The following ANO6 variants were observed in gnomAD, a reference collection of about 807,000 sequenced individuals.
ANO6 encodes anoctamin-6.
ANO6 carries 106 observed loss-of-function variants against 117.5 expected under a neutral mutation model. That is an observed-to-expected ratio of 0.90 (90% CI 0.77 to 1.06). The LOEUF (loss-of-function observed/expected upper bound fraction) is 1.06, where lower values mean the gene tolerates loss of function less well. ANO6 is among the 50% of genes least tolerant of loss of function. The pLI is 0.00. For missense variants in ANO6, 955 were observed against 1,121.1 expected (o/e 0.85, Z 2.12); for synonymous variants, 367 against 385.1 (o/e 0.95, Z 0.55).
At chr12:45,327,227 T>G (rs1285072309) in intron 2 of ANO6, among the ~76,000 whole-genome samples, 2 of 152,136 alleles carry the variant, frequency 1.3e-5, no homozygotes, top group East Asian at 3.9e-4. Flanking sequence ...GCTCTCTAGT[T>G]AAAAGGTGTA....
chr12:45,221,729 C>A (rs1347160687), intron 1 of ANO6, among the ~76,000 whole-genome samples: 1 of 151,936 alleles, frequency 6.6e-6, no homozygotes, highest in Non-Finnish European at 1.5e-5. Context: ...AAAGAGGCGC[C>A]ATCTGTGGGT....
intron 1 of ANO6, among the ~76,000 whole-genome samples, chr12:45,262,038 T>G (rs1384750002): frequency 6.6e-6 from 1 of 152,202 alleles, no homozygotes; most frequent in African/African-American, 2.4e-5. Flanking sequence ...TAAGGAAACC[T>G]TTCTATCCAT....
At chr12:45,422,054 G>C (rs1943378988) in intron 18 of ANO6, among the ~76,000 whole-genome samples, 1 of 152,184 alleles carries the variant, frequency 6.6e-6, no homozygotes, top group South Asian at 2.1e-4. Flanking sequence ...GTTACACCTA[G>C]TGGAGCCTCT....
chr12:45,399,035 T>C (rs994079195), intron 12 of ANO6, among the ~76,000 whole-genome samples: 6 of 152,166 alleles, frequency 3.9e-5, no homozygotes, highest in Admixed American at 6.5e-5. Context: ...GCTAGATAAC[T>C]GCAGACCAGA....
intron 1 of ANO6, among the ~76,000 whole-genome samples, chr12:45,269,450 G>A (rs934067150): frequency 1.3e-5 from 2 of 152,204 alleles, no homozygotes; most frequent in African/African-American, 4.8e-5. Flanking sequence ...CTGAGGCTTT[G>A]GTTTTGTGAT....
rs181287703 is a variant in ANO6 at position 45,397,124 on chromosome 12, C to T, written c.1387-4671C>T. 4.2e-3 allele frequency among the ~76,000 whole-genome samples: 646 copies of T among 152,242 alleles called. 4 individuals are homozygous for T. The highest frequency in any genetic ancestry group is 0.015 in the African/African-American group (623 of 41,532). On this transcript the variant is annotated intron_variant, in intron 12 of 19. Coordinates refer to ENST00000320560, the MANE Select transcript of ANO6 (RefSeq NM_001025356.3). Reference sequence around the variant, plus strand: ...ACAAAGGGCTAATATCCAGAATCTACAAGGGACTCAAACAAATTTACAAGA... The same window carrying T: ...ACAAAGGGCTAATATCCAGAATCTATAAGGGACTCAAACAAATTTACAAGA...
intron 15 of ANO6, among the ~76,000 whole-genome samples, chr12:45,406,941 A>T (rs529423410): frequency 2.0e-5 from 3 of 152,352 alleles, no homozygotes; most frequent in African/African-American, 7.2e-5. Flanking sequence ...AGCATAACTT[A>T]TGATGTGGCT....
chr12:45,342,584 G>A (rs1025175990), intron 3 of ANO6, among the ~76,000 whole-genome samples: 2 of 151,922 alleles, frequency 1.3e-5, no homozygotes, highest in African/African-American at 4.8e-5. Context: ...AAAATTTGGG[G>A]GGCTCAGAAA....
intron 1 of ANO6, among the ~76,000 whole-genome samples, chr12:45,291,242 A>G (rs2137277207): frequency 6.7e-6 from 1 of 149,142 alleles, no homozygotes. Flanking sequence ...GCTACTCAGG[A>G]GGTTGAGGCA....
At chr12:45,290,744 T>C (rs1237659392) in intron 1 of ANO6, among the ~76,000 whole-genome samples, 2 of 152,238 alleles carry the variant, frequency 1.3e-5, no homozygotes, top group African/African-American at 4.8e-5. Context: ...TCTAAGTTTT[T>C]AAAAGTCTGT....
intron 1 of ANO6, among the ~76,000 whole-genome samples, chr12:45,289,188 A>G (rs1350642434): frequency 9.6e-6 from 1 of 104,360 alleles, no homozygotes; most frequent in Non-Finnish European, 2.0e-5. Context: ...TTTTTTTTGG[A>G]CATGGTCTGA....
chr12:45,403,995 A>G (rs879844600), intron 15 of ANO6, among the ~76,000 whole-genome samples: 1 of 152,070 alleles, frequency 6.6e-6, no homozygotes, highest in Non-Finnish European at 1.5e-5. Flanking sequence ...AATCTACCAA[A>G]CTATCCTTAT....
intron 2 of ANO6, among the ~76,000 whole-genome samples, chr12:45,311,079 T>C (rs1939834735): frequency 6.6e-6 from 1 of 152,092 alleles, no homozygotes; most frequent in Admixed American, 6.6e-5. Context: ...TTTGGTGTTT[T>C]GATTTTAGCA....
Position 45,273,294 on chromosome 12 carries a change from C to T in ANO6, c.71-28720C>T, listed in dbSNP as rs144748585. On this transcript the variant is annotated intron_variant, in intron 1 of 19. Coordinates refer to ENST00000320560, the MANE Select transcript of ANO6 (RefSeq NM_001025356.3). ...ACAGTGTATATCAAATCACATTGTA[C>T]ACCTTGAATATATTCAATCTTTGTC... Among the ~76,000 whole-genome samples, 189 of 152,250 alleles carry T rather than the reference C, an allele frequency of 1.2e-3. 1 individual carries two copies. Among genetic ancestry groups the T allele is most frequent in the African/African-American group, 4.4e-3 (183 of 41,540 alleles).
At chr12:45,386,682 T>C (rs1263304454) in intron 10 of ANO6, among the ~76,000 whole-genome samples, 1 of 152,244 alleles carries the variant, frequency 6.6e-6, no homozygotes, top group Non-Finnish European at 1.5e-5. Flanking sequence ...AAACCCTTTG[T>C]GATGTGCCCC....
rs1279676653 is a variant in ANO6, at chr12:45,418,500, A to G, written c.2217+1596A>G. On this transcript the variant is annotated intron_variant, in intron 17 of 19. Coordinates refer to ENST00000320560, the MANE Select transcript of ANO6 (RefSeq NM_001025356.3). ...ACGTTCAATATGCTCTAGTACACTA[A>G]GCTGGACAAGAACATGGACTTGTGT... Among the ~76,000 whole-genome samples the G allele has an allele frequency of 2.0e-5, 3 of 152,238 alleles. No individual in the cohort carries two copies. In the East Asian group the frequency reaches 5.8e-4, roughly 29 times the overall value.
At chr12:45,421,352 C>T (rs1472109134) in intron 18 of ANO6, 79 bp downstream of exon 18, 12 of 1,426,584 alleles carry the variant, frequency 8.4e-6, no homozygotes, top group Non-Finnish European at 1.2e-5. Context: ...TGTTTGGTGT[C>T]ATTTTTAAAA....
At chr12:45,364,402 T>C (rs1941631789) in intron 8 of ANO6, among the ~76,000 whole-genome samples, 1 of 152,236 alleles carries the variant, frequency 6.6e-6, no homozygotes, top group Non-Finnish European at 1.5e-5. Flanking sequence ...TCTGTTTCTC[T>C]CCTTTTTTCT....
rs1019304441 is a variant in ANO6, at chr12:45,237,222, T to G, written c.70+20831T>G. 5.3e-5 allele frequency among the ~76,000 whole-genome samples: 8 copies of G among 152,354 alleles called. No homozygotes were observed. In the East Asian group the frequency reaches 1.3e-3, roughly 26 times the overall value. On this transcript the variant is annotated intron_variant, in intron 1 of 19. Coordinates refer to ENST00000320560, the MANE Select transcript of ANO6 (RefSeq NM_001025356.3). Reference sequence around the variant, plus strand: ...TTTCTTTCACTGTGCAGAAGCTCTTTAGTTGAATTAGATCCCATTTGTCTA... The same window carrying G: ...TTTCTTTCACTGTGCAGAAGCTCTTGAGTTGAATTAGATCCCATTTGTCTA...
Sources: allele counts gnomAD v4.1 joint callset (sites outside exome capture counted in the v4.1 genomes callset), GRCh38; gene constraint gnomAD v4.1.1; transcripts MANE v1.5; gene names NCBI Gene and HGNC (gene_info 2026-07-23, HGNC 2026-07-21).